Variants in INPP4B observed in about 807,000 individuals in gnomAD.
INPP4B encodes inositol polyphosphate 4-phosphatase type II.
Under a neutral mutation model 122.5 loss-of-function variants are expected in INPP4B, and 55 were observed. That is an observed-to-expected ratio of 0.45 (90% CI 0.36 to 0.56). The LOEUF (loss-of-function observed/expected upper bound fraction) is 0.56. INPP4B is among the 20% of genes least tolerant of loss of function. The pLI is 0.00. For synonymous variants in INPP4B, 403 were observed against 388.7 expected (o/e 1.04, Z -0.43); for missense variants, 1,000 against 1,097.7 (o/e 0.91, Z 1.26).
chr4:142,104,130 T>C (rs761952364), intron 23 of INPP4B, among the ~76,000 whole-genome samples: 1 of 152,048 alleles, frequency 6.6e-6, no homozygotes, highest in Non-Finnish European at 1.5e-5. Flanking sequence ...ACAAAAGATA[T>C]GGGCATTATT....
At chr4:142,191,068 G>A (rs1835594294) in intron 15 of INPP4B, among the ~76,000 whole-genome samples, 1 of 152,026 alleles carries the variant, frequency 6.6e-6, no homozygotes. Flanking sequence ...TTCCAGACAA[G>A]ATGAAGTAAA....
chr4:142,238,505 T>C (rs1164154916), intron 11 of INPP4B, among the ~76,000 whole-genome samples: 1 of 152,154 alleles, frequency 6.6e-6, no homozygotes, highest in East Asian at 1.9e-4. Flanking sequence ...CAAACTGATA[T>C]GTTATTTTAG....
intron 1 of INPP4B, among the ~76,000 whole-genome samples, chr4:142,786,144 G>A (rs1469767726): frequency 2.0e-5 from 3 of 152,042 alleles, no homozygotes; most frequent in African/African-American, 7.2e-5. Context: ...TCTAACACCA[G>A]TCTCAACTAA....
chr4:142,483,554 G>T (rs1019235253), intron 2 of INPP4B, among the ~76,000 whole-genome samples: 6 of 151,990 alleles, frequency 3.9e-5, no homozygotes, highest in Non-Finnish European at 5.9e-5. Context: ...GTGCTTTATG[G>T]ATGCATGTAG....
At chr4:142,628,896 A>C (rs1020387508) in intron 2 of INPP4B, among the ~76,000 whole-genome samples, 2 of 152,102 alleles carry the variant, frequency 1.3e-5, no homozygotes, top group African/African-American at 4.8e-5. Flanking sequence ...ATAACACAAA[A>C]TATTTATTTC....
intron 2 of INPP4B, among the ~76,000 whole-genome samples, chr4:142,709,106 T>C (rs1762810318): frequency 6.6e-6 from 1 of 152,198 alleles, no homozygotes; most frequent in Non-Finnish European, 1.5e-5. Flanking sequence ...TTGCTGGGTC[T>C]TGGACTTGCC....
intron 2 of INPP4B, among the ~76,000 whole-genome samples, chr4:142,575,999 C>T (rs545444284): frequency 6.6e-6 from 1 of 152,052 alleles, no homozygotes; most frequent in African/African-American, 2.4e-5. Context: ...ACAAATACAC[C>T]ACGTTGTAGA....
intron 1 of INPP4B, among the ~76,000 whole-genome samples, chr4:142,809,026 T>G (rs1399799248): frequency 6.6e-6 from 1 of 152,118 alleles, no homozygotes; most frequent in African/African-American, 2.4e-5. Flanking sequence ...TATAAGTCAT[T>G]AAAAACCTTA....
At chr4:142,114,265 A>G (rs1420150582) in intron 21 of INPP4B, among the ~76,000 whole-genome samples, 6 of 152,062 alleles carry the variant, frequency 3.9e-5, no homozygotes, top group Admixed American at 2.6e-4. Flanking sequence ...TAATGCTGCT[A>G]TTAACATGCA....
intron 3 of INPP4B, among the ~76,000 whole-genome samples, chr4:142,432,509 C>G (rs1291126385): frequency 2.0e-5 from 3 of 152,064 alleles, no homozygotes; most frequent in African/African-American, 7.2e-5. Flanking sequence ...AAGGCTATTG[C>G]ACCATCAATT....
chr4:142,785,762 A>G (rs1465605000), intron 1 of INPP4B, among the ~76,000 whole-genome samples: 1 of 152,110 alleles, frequency 6.6e-6, no homozygotes, highest in African/African-American at 2.4e-5. Context: ...TAAAGTACCA[A>G]GGGGGAAGAA....
intron 2 of INPP4B, among the ~76,000 whole-genome samples, chr4:142,623,356 G>C (rs1745410028): frequency 6.6e-6 from 1 of 151,790 alleles, no homozygotes; most frequent in African/African-American, 2.4e-5. Context: ...TGAACCCTTA[G>C]CACCATGCCC....
At chr4:142,636,405 C>T (rs1239994292) in intron 2 of INPP4B, among the ~76,000 whole-genome samples, 1 of 151,648 alleles carries the variant, frequency 6.6e-6, no homozygotes, top group African/African-American at 2.4e-5. Flanking sequence ...TTTTGAAAAA[C>T]TAAGGAAAAC....
At chr4:142,263,278 T>A (rs1740962497) in intron 10 of INPP4B, among the ~76,000 whole-genome samples, 1 of 152,152 alleles carries the variant, frequency 6.6e-6, no homozygotes, top group Non-Finnish European at 1.5e-5. Context: ...TTTCACCTGA[T>A]TTGATTATTT....
intron 1 of INPP4B, among the ~76,000 whole-genome samples, chr4:142,835,459 A>G (rs1446993140): frequency 6.6e-6 from 1 of 152,148 alleles, no homozygotes; most frequent in Non-Finnish European, 1.5e-5. Flanking sequence ...AAATACATAA[A>G]CAGCTTATAC....
intron 1 of INPP4B, among the ~76,000 whole-genome samples, chr4:142,735,768 G>T (rs188953102): frequency 6.6e-6 from 1 of 152,002 alleles, no homozygotes. Flanking sequence ...TATTTTAAAT[G>T]TATGTCCCCC....
chr4:142,799,833 TG>T (rs1454813161), intron 1 of INPP4B, among the ~76,000 whole-genome samples: 4 of 152,000 alleles, frequency 2.6e-5, no homozygotes, highest in African/African-American at 9.7e-5. Flanking sequence ...ATCTTTTACA[TG>T]TTTTATTTAT....
In INPP4B at chr4:142,160,465, G is replaced by T. The variant is rs199544313; in HGVS notation, c.1456C>A (p.Pro486Thr). The change falls in exon 17 of 26, where the codon CCC (proline) becomes ACC (threonine). Residue 486 changes from proline to threonine, a missense_variant. Transcript: ENST00000262992. ...ARPGGILKKP[P>T]SPKSSTEESS... is the part of the protein sequence containing the mutation. The stretch of plus-strand genomic sequence containing the variant: ...TCCTCTGTGCTGCTCTTAGGAGAGG[G>T]TGGCTTCTTAAGAATGCCTCCTGGC... The T allele has an allele frequency of 1.2e-6, 2 of 1,612,642 alleles. No individual in the cohort carries two copies. The highest frequency in any genetic ancestry group is 1.7e-6 in the Non-Finnish European group (2 of 1,179,158).
intron 7 of INPP4B, among the ~76,000 whole-genome samples, chr4:142,336,207 C>G (rs1008607330): frequency 7.9e-5 from 12 of 152,210 alleles, no homozygotes; most frequent in Non-Finnish European, 1.3e-4. Flanking sequence ...GTCCATGTAC[C>G]TCATTCCTCT....
Sources: allele counts gnomAD v4.1 joint callset (sites outside exome capture counted in the v4.1 genomes callset), GRCh38; gene constraint gnomAD v4.1.1; transcripts MANE v1.5; gene names NCBI Gene and HGNC (gene_info 2026-07-23, HGNC 2026-07-21).